The following RASSF8 variants were observed in gnomAD, a reference collection of about 807,000 sequenced individuals.
RASSF8 encodes Ras association domain family member 8.
A neutral mutation model predicts 48.5 loss-of-function variants in RASSF8; 22 were observed. The ratio of observed to expected loss-of-function variants is 0.45; its 90% CI spans 0.32 to 0.65. RASSF8 has a LOEUF of 0.65. Ranked by LOEUF, RASSF8 falls within the 30% of genes least tolerant of loss-of-function variation. RASSF8 has a pLI of 0.03. For synonymous variants in RASSF8, 127 were observed against 171.5 expected (o/e 0.74, Z 2.03); for missense variants, 418 against 489.2 (o/e 0.85, Z 1.37).
In RASSF8 at chr12:26,069,499, A is replaced by G; in HGVS notation, c.*681A>G. The G allele has an allele frequency of 1.0e-6, 1 of 985,412 alleles. No individual in the cohort carries two copies. Among genetic ancestry groups the G allele is most frequent in the Non-Finnish European group, 1.2e-6 (1 of 829,910 alleles). 61.0% of individuals were successfully genotyped at this position (985,412 alleles called of 1,614,324 possible). On this transcript the variant is annotated 3_prime_UTR_variant, in exon 6 of 6. Transcript: ENST00000689635. ...TACGTGTGGCCACAGAGCATAACAG[A>G]TATTTTTCATAAGCTAAATTGTATG... is the stretch of plus-strand genomic sequence containing the variant.
intron 2 of RASSF8, among the ~76,000 whole-genome samples, chr12:26,031,014 A>G (rs1943019199): frequency 6.6e-6 from 1 of 152,212 alleles, no homozygotes; most frequent in African/African-American, 2.4e-5. Context: ...GAGTTGAAGC[A>G]GTAGGAAATA....
chr12:26,076,924 CTG>C (rs1482222222), downstream of RASSF8, among the ~76,000 whole-genome samples: 1 of 152,210 alleles, frequency 6.6e-6, no homozygotes, highest in African/African-American at 2.4e-5. Context: ...TCTCCAGCAT[CTG>C]TTGTTTCCTG....
chr12:25,980,789 T>A (rs1021904102), intron 1 of RASSF8, among the ~76,000 whole-genome samples: 1 of 152,026 alleles, frequency 6.6e-6, no homozygotes, highest in African/African-American at 2.4e-5. Context: ...TCACTCTAAT[T>A]AAAAAAAATT....
intron 1 of RASSF8, among the ~76,000 whole-genome samples, chr12:25,970,804 A>G (rs1007170241): frequency 6.6e-6 from 1 of 152,218 alleles, no homozygotes; most frequent in African/African-American, 2.4e-5. Context: ...CAACAGGACT[A>G]CATTAATAAG....
intron 2 of RASSF8, among the ~76,000 whole-genome samples, chr12:26,003,392 C>T (rs1592254103): frequency 6.6e-6 from 1 of 152,266 alleles, no homozygotes; most frequent in Middle Eastern, 3.4e-3. Flanking sequence ...CTGTGTTCAT[C>T]ATGAATATTG....
At chr12:25,983,705 A>G (rs1055949677) in intron 1 of RASSF8, among the ~76,000 whole-genome samples, 5 of 152,200 alleles carry the variant, frequency 3.3e-5, no homozygotes, top group African/African-American at 1.2e-4. Context: ...AAAGAAAAAA[A>G]ACAAAAAAGC....
chr12:26,035,817 T>C (rs1342413112), intron 2 of RASSF8, among the ~76,000 whole-genome samples: 1 of 145,060 alleles, frequency 6.9e-6, no homozygotes, highest in African/African-American at 2.5e-5. Flanking sequence ...TATATGAAAT[T>C]ATATATAATA....
chr12:26,009,201 G>T (rs1186568461), intron 2 of RASSF8, among the ~76,000 whole-genome samples: 1 of 152,174 alleles, frequency 6.6e-6, no homozygotes, highest in African/African-American at 2.4e-5. Flanking sequence ...GATATATGAG[G>T]ATGTTCTTGA....
At chr12:25,997,689 T>A (rs1177842425) in intron 2 of RASSF8, among the ~76,000 whole-genome samples, 1 of 152,102 alleles carries the variant, frequency 6.6e-6, no homozygotes, top group East Asian at 1.9e-4. Flanking sequence ...GGGGTGACAT[T>A]TTCTGTAATT....
At chr12:25,982,580 G>C (rs17354478) in intron 1 of RASSF8, among the ~76,000 whole-genome samples, 14,883 of 152,238 alleles carry the variant, frequency 0.098, 780 homozygotes, top group Middle Eastern at 0.15. Flanking sequence ...TGGCCTGAAA[G>C]TGAAAGCAAG....
chr12:26,078,989 C>T, intron 5 of RASSF8: 1 of 1,520,122 alleles, frequency 6.6e-7, no homozygotes, highest in African/African-American at 1.4e-5. Flanking sequence ...ATTCACCAAC[C>T]TTAACTCTTT....
In RASSF8 at chr12:26,070,407, G is replaced by A; in HGVS notation, c.*1589G>A. On this transcript the variant is annotated 3_prime_UTR_variant, in exon 6 of 6. Transcript: ENST00000689635. The stretch of plus-strand genomic sequence containing the variant: ...CTTCTAGAGAACTGAAAGTCATAAT[G>A]CAGAGTTGCCTTTTCTAGTGCAGCT... The A allele has an allele frequency of 1.0e-6, 1 of 985,352 alleles. No individual in the cohort carries two copies. The highest frequency in any genetic ancestry group is 1.2e-6 in the Non-Finnish European group (1 of 829,890). 61.0% of individuals were successfully genotyped at this position (985,352 alleles called of 1,614,324 possible).
intron 2 of RASSF8, among the ~76,000 whole-genome samples, chr12:26,028,405 A>G (rs187882812): frequency 1.5e-4 from 23 of 152,318 alleles, no homozygotes; most frequent in Admixed American, 1.4e-3. Flanking sequence ...TTTCACAAAG[A>G]AATTGCTAAG....
At chr12:26,049,230 G>C (rs1943438960) in intron 2 of RASSF8, among the ~76,000 whole-genome samples, 1 of 152,226 alleles carries the variant, frequency 6.6e-6, no homozygotes, top group South Asian at 2.1e-4. Flanking sequence ...ACTTGGAAGG[G>C]ATGGGAAGAA....
At chr12:26,019,134 T>A (rs532648350) in intron 2 of RASSF8, among the ~76,000 whole-genome samples, 1 of 152,142 alleles carries the variant, frequency 6.6e-6, no homozygotes. Context: ...CCTTGGAGAG[T>A]GTCTCTATTA....
downstream of RASSF8, among the ~76,000 whole-genome samples, chr12:26,073,752 CACACACACACACACACACACACACA>C (rs1944041241): frequency 1.0e-5 from 1 of 97,880 alleles, no homozygotes; most frequent in African/African-American, 4.3e-5. Context: ...TCTCTATACA[CACACACACACACACACACACACACA>C]TATATATATA....
At chr12:26,050,553 T>C (rs1943470089) in intron 2 of RASSF8, among the ~76,000 whole-genome samples, 1 of 152,244 alleles carries the variant, frequency 6.6e-6, no homozygotes, top group South Asian at 2.1e-4. Context: ...TGGTGCATCT[T>C]GTTTCCACTA....
downstream of RASSF8, among the ~76,000 whole-genome samples, chr12:26,077,394 A>G (rs2137357537): frequency 6.6e-6 from 1 of 152,256 alleles, no homozygotes; most frequent in Non-Finnish European, 1.5e-5. Context: ...TATGGTTTTT[A>G]GGTCTAACAC....
intron 1 of RASSF8, among the ~76,000 whole-genome samples, chr12:25,964,186 T>G (rs1233114150): frequency 6.6e-6 from 1 of 152,156 alleles, no homozygotes; most frequent in Non-Finnish European, 1.5e-5. Context: ...GTTACTTGGG[T>G]GACCTTGAAC....
Sources: allele counts gnomAD v4.1 joint callset (sites outside exome capture counted in the v4.1 genomes callset), GRCh38; gene constraint gnomAD v4.1.1; transcripts MANE v1.5; gene names NCBI Gene and HGNC (gene_info 2026-07-23, HGNC 2026-07-21).